Variants in NRG1 observed in about 807,000 individuals in gnomAD.
NRG1 encodes neuregulin 1.
In NRG1, 18 loss-of-function variants were observed where a neutral mutation model predicts 63.8. That is an observed-to-expected ratio of 0.28 (90% CI 0.19 to 0.42). NRG1 has a LOEUF of 0.42. Among genes scored for constraint, NRG1 ranks in the 10% least tolerant of loss-of-function variants. The pLI is 1.00. For missense variants in NRG1, 762 were observed against 814.7 expected, an observed-to-expected ratio of 0.94 and a Z score of 0.79; for synonymous variants, 302 against 301.3, an observed-to-expected ratio of 1.00 and a Z score of -0.02.
intron 1 of NRG1, among the ~76,000 whole-genome samples, chr8:31,902,583 G>A (rs1036137044): frequency 1.3e-5 from 2 of 152,034 alleles, no homozygotes; most frequent in African/African-American, 2.4e-5. Flanking sequence ...AGGATGAGAC[G>A]TTACTATGAA....
At chr8:32,097,108 G>A (rs1479786315) in intron 1 of NRG1, among the ~76,000 whole-genome samples, 1 of 152,106 alleles carries the variant, frequency 6.6e-6, no homozygotes, top group Non-Finnish European at 1.5e-5. Context: ...TTGTGCTTTT[G>A]TGTCAGGCTT....
chr8:32,750,853 A>T (rs1034362578), intron 7 of NRG1, among the ~76,000 whole-genome samples: 2 of 152,030 alleles, frequency 1.3e-5, no homozygotes, highest in African/African-American at 2.4e-5. Flanking sequence ...ACTAGGGAGC[A>T]CGTTGTGTAC....
intron 1 of NRG1, among the ~76,000 whole-genome samples, chr8:31,799,806 T>G (rs1475675486): frequency 6.6e-6 from 1 of 152,276 alleles, no homozygotes; most frequent in South Asian, 2.1e-4. Flanking sequence ...AGATACCATA[T>G]TTCTATTAAT....
chr8:32,709,714 C>T (rs978375435), intron 5 of NRG1, among the ~76,000 whole-genome samples: 1 of 152,076 alleles, frequency 6.6e-6, no homozygotes. Context: ...AGCCAATGAG[C>T]CTGGCATATT....
intron 1 of NRG1, among the ~76,000 whole-genome samples, chr8:32,576,341 TA>T (rs980649246): frequency 3.3e-5 from 5 of 152,202 alleles, no homozygotes; most frequent in Non-Finnish European, 7.3e-5. Flanking sequence ...TTTTGTTTTT[TA>T]AAAAATAATT....
At chr8:32,086,540 T>A (rs563321626) in intron 1 of NRG1, among the ~76,000 whole-genome samples, 2 of 152,356 alleles carry the variant, frequency 1.3e-5, no homozygotes, top group East Asian at 3.9e-4. Context: ...TAAACTTGTA[T>A]GAGTAGATCT....
chr8:31,728,179 T>C (rs1813644489), intron 1 of NRG1, among the ~76,000 whole-genome samples: 1 of 152,038 alleles, frequency 6.6e-6, no homozygotes. Context: ...TAGAAAATAT[T>C]TGGGCTGGGC....
intron 1 of NRG1, among the ~76,000 whole-genome samples, chr8:31,937,605 A>G (rs1342330531): frequency 6.6e-6 from 1 of 152,148 alleles, no homozygotes; most frequent in African/African-American, 2.4e-5. Context: ...GGGGATGCTC[A>G]TGGTATGGGG....
chr8:32,166,858 G>T (rs780075952), intron 1 of NRG1, among the ~76,000 whole-genome samples: 2 of 152,136 alleles, frequency 1.3e-5, no homozygotes, highest in Admixed American at 6.6e-5. Flanking sequence ...TTTTTGTAAT[G>T]ATAGGCTGCA....
intron 1 of NRG1, among the ~76,000 whole-genome samples, chr8:32,479,052 C>T (rs1406482560): frequency 6.6e-6 from 1 of 152,172 alleles, no homozygotes; most frequent in Non-Finnish European, 1.5e-5. Context: ...TATTGAAATA[C>T]ATTGTAAATC....
intron 1 of NRG1, among the ~76,000 whole-genome samples, chr8:32,158,447 T>TTATATATATATATATATATATATATA (rs1563852043): frequency 6.3e-4 from 19 of 30,252 alleles, no homozygotes; most frequent in African/African-American, 2.0e-3. Context: ...TTGGTTTACA[T>TTATATATATATATATATATATATATA]GATATATATA....
intron 5 of NRG1, among the ~76,000 whole-genome samples, chr8:32,723,767 G>T (rs1357055877): frequency 1.4e-5 from 2 of 146,516 alleles, no homozygotes; most frequent in Non-Finnish European, 3.0e-5. Flanking sequence ...AGGAAGGAGG[G>T]AAAGAAGGAA....
chr8:31,868,483 A>G (rs891083922), intron 1 of NRG1, among the ~76,000 whole-genome samples: 1 of 152,208 alleles, frequency 6.6e-6, no homozygotes, highest in African/African-American at 2.4e-5. Context: ...TCCTGATTTC[A>G]GTGGATCTAT....
At chr8:31,770,060 AG>A (rs1234286243) in intron 1 of NRG1, among the ~76,000 whole-genome samples, 1 of 152,156 alleles carries the variant, frequency 6.6e-6, no homozygotes, top group African/African-American at 2.4e-5. Flanking sequence ...CTAGAGTCTT[AG>A]GGATAAATAT....
At chr8:31,955,104 A>C (rs1804147771) in intron 1 of NRG1, among the ~76,000 whole-genome samples, 1 of 152,218 alleles carries the variant, frequency 6.6e-6, no homozygotes, top group African/African-American at 2.4e-5. Context: ...TGGTGTAAAA[A>C]TAGTTGTGCT....
chr8:31,866,814 T>C (rs1487244444), intron 1 of NRG1, among the ~76,000 whole-genome samples: 1 of 152,160 alleles, frequency 6.6e-6, no homozygotes, highest in Non-Finnish European at 1.5e-5. Flanking sequence ...ATTGTTTAGT[T>C]ATAAAGTAAA....
intron 1 of NRG1, among the ~76,000 whole-genome samples, chr8:32,162,004 A>T (rs1838884117): frequency 6.6e-6 from 1 of 152,240 alleles, no homozygotes; most frequent in Non-Finnish European, 1.5e-5. Flanking sequence ...ATGATCATCT[A>T]GGCAATGTCT....
chr8:32,247,313 T>C (rs1011215170), intron 1 of NRG1, among the ~76,000 whole-genome samples: 1 of 152,132 alleles, frequency 6.6e-6, no homozygotes, highest in Non-Finnish European at 1.5e-5. Context: ...GAATTTTCCA[T>C]ACAGCATACA....
chr8:31,662,741 C>T (rs1427905396), intron 1 of NRG1, among the ~76,000 whole-genome samples: 1 of 152,170 alleles, frequency 6.6e-6, no homozygotes, highest in Non-Finnish European at 1.5e-5. Context: ...GTTTCATCAT[C>T]TGCACTTGGA....
Sources: gnomAD v4.1 joint callset for allele counts (sites outside exome capture counted in the v4.1 genomes callset) on GRCh38, gnomAD v4.1.1 for gene constraint, MANE v1.5 for transcripts, NCBI Gene and HGNC (gene_info 2026-07-23, HGNC 2026-07-21) for gene names.